Variants in JAZF1 observed in about 807,000 individuals in gnomAD.
JAZF1 encodes juxtaposed with another zinc finger protein 1.
In JAZF1, 8 loss-of-function variants were observed where a neutral mutation model predicts 26.4. The observed-to-expected ratio is 0.30, with a 90% CI of 0.18 to 0.55. The LOEUF is 0.55. Among genes scored for constraint, JAZF1 ranks in the 20% least tolerant of loss-of-function variants. JAZF1 has a pLI of 0.94. For synonymous variants in JAZF1, 126 were observed against 122.3 expected (o/e 1.03, Z -0.20); for missense variants, 199 against 322.0 (o/e 0.62, Z 2.92).
intron 1 of JAZF1, among the ~76,000 whole-genome samples, chr7:28,175,455 G>C (rs1783535235): frequency 6.6e-6 from 1 of 152,144 alleles, no homozygotes; most frequent in Admixed American, 6.5e-5. Context: ...TATTATTGTA[G>C]ATAAACACTT....
chr7:27,920,541 G>A (rs1052531082), intron 2 of JAZF1, among the ~76,000 whole-genome samples: 2 of 152,084 alleles, frequency 1.3e-5, no homozygotes, highest in Non-Finnish European at 2.9e-5. Flanking sequence ...GCTTTCCTCT[G>A]CTTCCCATCC....
chr7:28,158,688 T>C (rs1177735176), intron 1 of JAZF1, among the ~76,000 whole-genome samples: 1 of 152,182 alleles, frequency 6.6e-6, no homozygotes, highest in South Asian at 2.1e-4. Flanking sequence ...GCGGGTCTCA[T>C]AGGGTGACTC....
intron 1 of JAZF1, among the ~76,000 whole-genome samples, chr7:28,004,157 A>AT (rs1782658491): frequency 6.6e-6 from 1 of 152,250 alleles, no homozygotes; most frequent in East Asian, 1.9e-4. Flanking sequence ...ATGTTTTGTG[A>AT]TTTAAGTACC....
chr7:27,844,900 T>G (rs978070046), intron 3 of JAZF1, among the ~76,000 whole-genome samples: 3 of 152,198 alleles, frequency 2.0e-5, no homozygotes, highest in Non-Finnish European at 4.4e-5. Flanking sequence ...TTTATTCACA[T>G]GGCAAACTTT....
intron 2 of JAZF1, among the ~76,000 whole-genome samples, chr7:27,895,690 A>T (rs1297684114): frequency 6.6e-6 from 1 of 151,900 alleles, no homozygotes; most frequent in Non-Finnish European, 1.5e-5. Flanking sequence ...ATCTGCACCC[A>T]CTGTAATACT....
At chr7:27,871,416 A>G (rs897567330) in intron 3 of JAZF1, among the ~76,000 whole-genome samples, 12 of 152,214 alleles carry the variant, frequency 7.9e-5, no homozygotes, top group African/African-American at 2.7e-4. Context: ...ACCACTTTTC[A>G]TCTCAGAACA....
chr7:27,865,536 C>T (rs1643829517), intron 3 of JAZF1, among the ~76,000 whole-genome samples: 1 of 151,992 alleles, frequency 6.6e-6, no homozygotes. Context: ...TATAAAAGAA[C>T]CAACATTTAA....
At chr7:27,934,930 G>A (rs530036550) in intron 2 of JAZF1, among the ~76,000 whole-genome samples, 1 of 152,228 alleles carries the variant, frequency 6.6e-6, no homozygotes, top group East Asian at 1.9e-4. Context: ...CAGAATAGGA[G>A]AACATATTTG....
At chr7:27,898,816 C>T (rs1036751300) in intron 2 of JAZF1, among the ~76,000 whole-genome samples, 11 of 152,134 alleles carry the variant, frequency 7.2e-5, no homozygotes, top group Non-Finnish European at 4.4e-5. Context: ...AAAGCCCTGT[C>T]GCTAAGACTT....
At position 27,832,057 on chromosome 7, in the gene JAZF1, GCACT is replaced by G. The variant is rs1466262162; in HGVS notation, c.*739_*742del. 3 of 213,408 alleles carry G rather than the reference GCACT, an allele frequency of 1.4e-5. No homozygotes were observed. Among genetic ancestry groups the G allele is most frequent in the African/African-American group, 2.3e-5 (1 of 44,294 alleles). The allele number at this position is 213,408 out of a possible 1,614,324, so 13.2% of individuals were successfully genotyped here. Reference sequence around the variant, plus strand: ...AAATTGAATCCCTTGTACCCAGCAGGCACTCAATCAATGTGTGTTAAATGAATGA... The same window carrying G: ...AAATTGAATCCCTTGTACCCAGCAGGCAATCAATGTGTGTTAAATGAATGA... On this transcript the variant is annotated 3_prime_UTR_variant, in exon 5 of 5. Transcript: ENST00000283928.
At chr7:27,837,260 C>G (rs918430877) in intron 4 of JAZF1, among the ~76,000 whole-genome samples, 116 of 152,356 alleles carry the variant, frequency 7.6e-4, no homozygotes, top group African/African-American at 2.7e-3. Flanking sequence ...ATCTTTTAAA[C>G]CTATCTGCAT....
At chr7:27,999,760 C>T (rs1466835960) in intron 1 of JAZF1, among the ~76,000 whole-genome samples, 1 of 152,090 alleles carries the variant, frequency 6.6e-6, no homozygotes, top group East Asian at 1.9e-4. Context: ...TGAATGAATG[C>T]CCTGGACATG....
intron 2 of JAZF1, among the ~76,000 whole-genome samples, chr7:27,900,466 G>A (rs756060161): frequency 6.6e-6 from 1 of 152,134 alleles, no homozygotes; most frequent in Non-Finnish European, 1.5e-5. Flanking sequence ...CCTACTCTGT[G>A]TTCAGTAACA....
At position 27,970,470 on chromosome 7, in the gene JAZF1, A is replaced by C. The variant is rs181174413; in HGVS notation, c.188+21439T>G. Among the ~76,000 whole-genome samples, 245 of 152,306 alleles carry C rather than the reference A, an allele frequency of 1.6e-3. 1 individual carries two copies. Among genetic ancestry groups the C allele is most frequent in the African/African-American group, 5.4e-3 (226 of 41,572 alleles). On this transcript the variant is annotated intron_variant, in intron 2 of 4. Transcript: ENST00000283928. ...AAACAAAACAAAACAAAAAAACCCCAAAAAACTTACATCATTACTTTCAAG... is the reference window on the plus strand; with the variant it reads ...AAACAAAACAAAACAAAAAAACCCCCAAAAACTTACATCATTACTTTCAAG...
At chr7:28,025,750 T>C (rs2128373786) in intron 1 of JAZF1, among the ~76,000 whole-genome samples, 1 of 152,280 alleles carries the variant, frequency 6.6e-6, no homozygotes, top group African/African-American at 2.4e-5. Flanking sequence ...CAGCAGCAGA[T>C]GTTGGACTGA....
intron 1 of JAZF1, among the ~76,000 whole-genome samples, chr7:28,170,077 G>A (rs1052732500): frequency 6.6e-6 from 1 of 151,928 alleles, no homozygotes; most frequent in Non-Finnish European, 1.5e-5. Flanking sequence ...TTAACTCACA[G>A]TGTTTACAGT....
At chr7:27,877,501 G>A (rs1783698514) in intron 3 of JAZF1, among the ~76,000 whole-genome samples, 1 of 152,142 alleles carries the variant, frequency 6.6e-6, no homozygotes, top group Non-Finnish European at 1.5e-5. Flanking sequence ...AATAGAGGTA[G>A]GTGGTTGTAT....
chr7:28,130,460 T>C (rs779812692), intron 1 of JAZF1, among the ~76,000 whole-genome samples: 1 of 152,210 alleles, frequency 6.6e-6, no homozygotes, highest in African/African-American at 2.4e-5. Context: ...TGCATGTTTA[T>C]AAATGAGACA....
chr7:28,026,829 G>A (rs1783102381), intron 1 of JAZF1, among the ~76,000 whole-genome samples: 1 of 152,198 alleles, frequency 6.6e-6, no homozygotes, highest in Non-Finnish European at 1.5e-5. Context: ...TTACTGGTGA[G>A]TGGTCAGGAG....
Sources: gnomAD v4.1 joint callset for allele counts (sites outside exome capture counted in the v4.1 genomes callset) on GRCh38, gnomAD v4.1.1 for gene constraint, MANE v1.5 for transcripts, NCBI Gene and HGNC (gene_info 2026-07-23, HGNC 2026-07-21) for gene names.